ST8SIA5: variants seen among roughly 807,000 people sequenced by gnomAD.
ST8SIA5 encodes ST8 alpha-N-acetyl-neuraminide alpha-2,8-sialyltransferase 5, also known as alpha-2,8-sialyltransferase 8E.
A neutral mutation model predicts 40.2 loss-of-function variants in ST8SIA5; 24 were observed. That is an observed-to-expected ratio of 0.60 (90% CI 0.43 to 0.84). The LOEUF is 0.84. Among genes scored for constraint, ST8SIA5 ranks in the 40% least tolerant of loss-of-function variants. ST8SIA5 has a pLI of 0.00. For synonymous variants in ST8SIA5, 198 were observed against 201.8 expected, an observed-to-expected ratio of 0.98 and a Z score of 0.16; for missense variants, 465 against 498.5, an observed-to-expected ratio of 0.93 and a Z score of 0.64.
Position 46,726,234 on chromosome 18 carries a change from A to T in ST8SIA5, c.132-21570T>A, listed in dbSNP as rs569842525. Among the ~76,000 whole-genome samples, 25 of 151,274 alleles carry T rather than the reference A, an allele frequency of 1.7e-4. No homozygotes were observed. The South Asian group carries it at 2.9e-3, about 18-fold the overall frequency. ...ATAAAATAAATTTGTAAAAAAATTT[A>T]AAAAATAAAACATTTTATTCACTCA... is the stretch of plus-strand genomic sequence containing the variant. On this transcript the variant is annotated intron_variant, in intron 1 of 6. Transcript: ENST00000315087.
chr18:46,671,427 T>C lies in ST8SIA5; in HGVS notation c.*8615A>G, dbSNP rs2039308568. ...TTTCCTCATTGCTACCTTCCATGTTTGTGCACAGATGTGGAGGTGGGCAGA... is the reference window on the plus strand; with the variant it reads ...TTTCCTCATTGCTACCTTCCATGTTCGTGCACAGATGTGGAGGTGGGCAGA... On this transcript the variant is annotated 3_prime_UTR_variant, in exon 7 of 7. Coordinates refer to ENST00000315087, the MANE Select transcript of ST8SIA5 (RefSeq NM_013305.6). 1 of 152,272 alleles carries C rather than the reference T, an allele frequency of 6.6e-6. No homozygotes were observed. Among genetic ancestry groups the C allele is most frequent in the Non-Finnish European group, 1.5e-5 (1 of 68,082 alleles). 9.4% of individuals were successfully genotyped at this position (152,272 alleles called of 1,614,324 possible).
intron 1 of ST8SIA5, among the ~76,000 whole-genome samples, chr18:46,749,585 T>G (rs1015295863): frequency 6.6e-6 from 1 of 152,196 alleles, no homozygotes; most frequent in Non-Finnish European, 1.5e-5. Flanking sequence ...ATGTGCATAA[T>G]CAAGGTTGCT....
At chr18:46,754,105 A>C (rs1241019264) in intron 1 of ST8SIA5, among the ~76,000 whole-genome samples, 1 of 152,166 alleles carries the variant, frequency 6.6e-6, no homozygotes, top group Middle Eastern at 3.2e-3. Flanking sequence ...AGGAAACAAG[A>C]TAGGTAAGCA....
intron 1 of ST8SIA5, among the ~76,000 whole-genome samples, chr18:46,725,025 A>G (rs888433064): frequency 1.1e-3 from 165 of 149,836 alleles, no homozygotes; most frequent in Non-Finnish European, 1.9e-3. Context: ...GGAAGGAAGG[A>G]AGGAAGGAAG....
intron 2 of ST8SIA5, among the ~76,000 whole-genome samples, chr18:46,693,590 A>G (rs2039528421): frequency 6.6e-6 from 1 of 152,224 alleles, no homozygotes; most frequent in Non-Finnish European, 1.5e-5. Flanking sequence ...ACACATTTAC[A>G]TCGACTTATT....
In ST8SIA5 at chr18:46,670,800, A is replaced by G. The variant is rs1378895686; in HGVS notation, c.*9242T>C. ...CAAGCTGTCGTTGAACAAGTAAACT[A>G]GTTTTGGTCTTCTTAATGCCATCAC... On this transcript the variant is annotated 3_prime_UTR_variant, in exon 7 of 7. Coordinates refer to ENST00000315087, the MANE Select transcript of ST8SIA5 (RefSeq NM_013305.6). The G allele has an allele frequency of 1.3e-5, 2 of 151,944 alleles. No individual in the cohort carries two copies. Among genetic ancestry groups the G allele is most frequent in the Non-Finnish European group, 2.9e-5 (2 of 67,986 alleles). The allele number at this position is 151,944 out of a possible 1,614,324, so 9.4% of individuals were successfully genotyped here.
chr18:46,692,902 G>A (rs1279592029), intron 2 of ST8SIA5, among the ~76,000 whole-genome samples: 6 of 118,524 alleles, frequency 5.1e-5, no homozygotes, highest in African/African-American at 6.8e-5. Context: ...GCCAGGTATC[G>A]GACAAACAGA....
Position 46,718,797 on chromosome 18 carries a change from T to C in ST8SIA5, c.132-14133A>G, listed in dbSNP as rs144355683. On this transcript the variant is annotated intron_variant, in intron 1 of 6. Coordinates refer to ENST00000315087, the MANE Select transcript of ST8SIA5 (RefSeq NM_013305.6). Reference sequence around the variant, plus strand: ...TAGCAAAACATGGCATGCACTGAATTATTCAATATGTGAATAATACCATGA... The same window carrying C: ...TAGCAAAACATGGCATGCACTGAATCATTCAATATGTGAATAATACCATGA... 6.6e-3 allele frequency among the ~76,000 whole-genome samples: 1,003 copies of C among 152,268 alleles called. 10 individuals carry two copies. Among genetic ancestry groups the C allele is most frequent in the Middle Eastern group, 0.02 (6 of 294 alleles).
chr18:46,735,489 G>A (rs777717661), intron 1 of ST8SIA5, among the ~76,000 whole-genome samples: 1 of 152,150 alleles, frequency 6.6e-6, no homozygotes, highest in Non-Finnish European at 1.5e-5. Flanking sequence ...AAAAATTCAT[G>A]TAATAAAATT....
At chr18:46,690,255 C>T (rs2039491599) in intron 3 of ST8SIA5, among the ~76,000 whole-genome samples, 1 of 152,196 alleles carries the variant, frequency 6.6e-6, no homozygotes, top group Non-Finnish European at 1.5e-5. Flanking sequence ...GGATTCATTT[C>T]CTGTAATTCG....
rs562017451 is a variant in ST8SIA5, at chr18:46,688,985, A to G, written c.312-66T>C. 2.8e-5 allele frequency: 43 copies of G among 1,546,342 alleles called. No homozygotes were observed. The South Asian group carries it at 5.2e-4, about 19-fold the overall frequency. Reference sequence around the variant, plus strand: ...AAAGATGTGATGGAGGGCAGAGCACAACCTCACGGAGAACAGAGGGGTGGA... The same window carrying G: ...AAAGATGTGATGGAGGGCAGAGCACGACCTCACGGAGAACAGAGGGGTGGA... On this transcript the variant is annotated intron_variant, in intron 3 of 6. Coordinates refer to ENST00000315087, the MANE Select transcript of ST8SIA5 (RefSeq NM_013305.6).
intron 2 of ST8SIA5, among the ~76,000 whole-genome samples, chr18:46,696,762 G>A (rs148881146): frequency 3.9e-4 from 59 of 152,232 alleles, no homozygotes; most frequent in African/African-American, 1.3e-3. Context: ...TTTCTCCCAA[G>A]ACACCACTAA....
chr18:46,749,231 C>T (rs2040172440), intron 1 of ST8SIA5, among the ~76,000 whole-genome samples: 1 of 152,090 alleles, frequency 6.6e-6, no homozygotes, highest in Non-Finnish European at 1.5e-5. Context: ...GTCTGGGAAG[C>T]GATGGCTAAG....
intron 1 of ST8SIA5, among the ~76,000 whole-genome samples, chr18:46,720,795 A>G (rs1301106257): frequency 1.3e-5 from 2 of 152,192 alleles, no homozygotes; most frequent in African/African-American, 4.8e-5. Context: ...CAGCCTGAGA[A>G]TATTCCATTT....
At chr18:46,744,658 A>T (rs1363218653) in intron 1 of ST8SIA5, among the ~76,000 whole-genome samples, 1 of 152,230 alleles carries the variant, frequency 6.6e-6, no homozygotes, top group Non-Finnish European at 1.5e-5. Flanking sequence ...CAGATCAACA[A>T]GACAGAAGTT....
Position 46,674,232 on chromosome 18 carries a change from A to G in ST8SIA5, c.*5810T>C, listed in dbSNP as rs1330681625. ...AGAAGTAGACAACAAGAAACACAGAAAATGTCTCTCCCTTCTTTCATTTAA... is the reference window on the plus strand; with the variant it reads ...AGAAGTAGACAACAAGAAACACAGAGAATGTCTCTCCCTTCTTTCATTTAA... On this transcript the variant is annotated 3_prime_UTR_variant, in exon 7 of 7. Coordinates refer to ENST00000315087, the MANE Select transcript of ST8SIA5 (RefSeq NM_013305.6). 1 of 152,210 alleles carries G rather than the reference A, an allele frequency of 6.6e-6. No individual in the cohort carries two copies. Among genetic ancestry groups the G allele is most frequent in the East Asian group, 1.9e-4 (1 of 5,190 alleles). The allele number at this position is 152,210 out of a possible 1,614,324, so 9.4% of individuals were successfully genotyped here. A position where few individuals can be genotyped will look rare whatever the true frequency, so the allele number is the denominator to read the frequency against.
In ST8SIA5 at chr18:46,756,613, G is replaced by T; in HGVS notation, c.-105C>A. The T allele has an allele frequency of 1.5e-6, 2 of 1,361,678 alleles. No individual in the cohort carries two copies. Among genetic ancestry groups the T allele is most frequent in the Middle Eastern group, 2.2e-4 (1 of 4,620 alleles). 84.3% of individuals were successfully genotyped at this position (1,361,678 alleles called of 1,614,324 possible). A position where few individuals can be genotyped will look rare whatever the true frequency, so the allele number is the denominator to read the frequency against. ...CGCGGCCGACTTGGCGCCTCACGGT[G>T]CGGTCAGGCAGGCGGGGGACTTCGA... On this transcript the variant is annotated 5_prime_UTR_variant, in exon 1 of 7. Coordinates refer to ENST00000315087, the MANE Select transcript of ST8SIA5 (RefSeq NM_013305.6).
chr18:46,749,046 T>C (rs998702762), intron 1 of ST8SIA5, among the ~76,000 whole-genome samples: 3 of 152,368 alleles, frequency 2.0e-5, no homozygotes, highest in Middle Eastern at 3.4e-3. Flanking sequence ...GAAGTACTGA[T>C]ACATGATATG....
At chr18:46,690,429 C>A (rs913409401) in intron 3 of ST8SIA5, among the ~76,000 whole-genome samples, 5 of 152,098 alleles carry the variant, frequency 3.3e-5, no homozygotes, top group African/African-American at 1.2e-4. Flanking sequence ...CATGGCAAGG[C>A]CTGATGTCAC....
Sources: gnomAD v4.1 joint callset for allele counts (sites outside exome capture counted in the v4.1 genomes callset) on GRCh38, gnomAD v4.1.1 for gene constraint, MANE v1.5 for transcripts, NCBI Gene and HGNC (gene_info 2026-07-23, HGNC 2026-07-21) for gene names.